KALRN: variants seen among roughly 807,000 people sequenced by gnomAD.
The protein encoded by KALRN is kalirin RhoGEF kinase.
Under a neutral mutation model 353.7 loss-of-function variants are expected in KALRN, and 70 were observed. The observed-to-expected ratio is 0.20, with a 90% CI of 0.16 to 0.24. The LOEUF (loss-of-function observed/expected upper bound fraction) is 0.24. KALRN is among the 10% of genes least tolerant of loss of function. KALRN has a pLI of 1.00. For synonymous variants in KALRN, 1,391 were observed against 1,434.8 expected, an observed-to-expected ratio of 0.97 and a Z score of 0.69; for missense variants, 2,791 against 3,756.7, an observed-to-expected ratio of 0.74 and a Z score of 6.72.
chr3:124,127,097 A>G (rs1246363822), intron 1 of KALRN, among the ~76,000 whole-genome samples: 1 of 152,162 alleles, frequency 6.6e-6, no homozygotes, highest in Non-Finnish European at 1.5e-5. Flanking sequence ...CAGCTCAGAG[A>G]TCACCCTTCA....
intron 1 of KALRN, among the ~76,000 whole-genome samples, chr3:124,108,485 A>G (rs1002343187): frequency 2.0e-5 from 3 of 152,248 alleles, no homozygotes; most frequent in African/African-American, 4.8e-5. Flanking sequence ...CTAGCTGCCT[A>G]CATGTTTGGG....
At chr3:124,692,087 A>T (rs779317960) in intron 51 of KALRN, among the ~76,000 whole-genome samples, 1 of 152,110 alleles carries the variant, frequency 6.6e-6, no homozygotes, top group Non-Finnish European at 1.5e-5. Flanking sequence ...TTAGAGAGTT[A>T]AAAAAAATCC....
chr3:124,703,095 C>G (rs1294086904), intron 57 of KALRN, among the ~76,000 whole-genome samples: 8 of 152,168 alleles, frequency 5.3e-5, no homozygotes, highest in Non-Finnish European at 1.5e-5. Flanking sequence ...GACATCATTT[C>G]TAGCTCTGAT....
chr3:124,139,841 T>C lies in KALRN; in HGVS notation c.74-88149T>C, dbSNP rs79466114. 4.5e-3 allele frequency among the ~76,000 whole-genome samples: 687 copies of C among 152,300 alleles called. 2 individuals carry two copies. Among genetic ancestry groups the C allele is most frequent in the South Asian group, 0.014 (68 of 4,828 alleles). ...AGCAACAAGGGGGGATTTTGTATCA[T>C]CTGAAAGGGCTTCCTGGTTTCAGAC... On this transcript the variant is annotated intron_variant, in intron 1 of 59. Transcript: ENST00000682506.
At chr3:124,323,309 C>T (rs1000209635) in intron 6 of KALRN, among the ~76,000 whole-genome samples, 2 of 152,148 alleles carry the variant, frequency 1.3e-5, no homozygotes, top group Non-Finnish European at 2.9e-5. Context: ...CACAGGGAGT[C>T]GCTTCTACCT....
In KALRN at chr3:124,334,580, G is replaced by C. The variant is rs2080930360; in HGVS notation, c.1647+85G>C. The stretch of plus-strand genomic sequence containing the variant: ...TCCCTGACCTAGGTGATCAGGCTTA[G>C]GAGAGCCCAGATTTATAGAAGGACA... On this transcript the variant is annotated intron_variant, in intron 9 of 59. Coordinates refer to ENST00000682506, the MANE Select transcript of KALRN (RefSeq NM_001388419.1). This position sits in a 1 kb window ranked among gnomAD's most constrained non-coding sequence, Gnocchi z 4.2. The C allele has an allele frequency of 1.2e-6, 1 of 852,722 alleles. No homozygotes were observed. The highest frequency in any genetic ancestry group is 1.7e-5 in the African/African-American group (1 of 59,044). 52.8% of individuals were successfully genotyped at this position (852,722 alleles called of 1,614,324 possible). A position where few individuals can be genotyped will look rare whatever the true frequency, so the allele number is the denominator to read the frequency against.
At chr3:124,605,584 A>G (rs67789707) in intron 34 of KALRN, among the ~76,000 whole-genome samples, 13,389 of 132,154 alleles carry the variant, frequency 0.1, 784 homozygotes, top group South Asian at 0.12. Flanking sequence ...AAAAAAAAAA[A>G]AAAGAGAGAG....
At chr3:124,240,948 T>A (rs1213624228) in intron 3 of KALRN, among the ~76,000 whole-genome samples, 4 of 152,112 alleles carry the variant, frequency 2.6e-5, no homozygotes, top group African/African-American at 9.7e-5. Flanking sequence ...ATAGTAATAA[T>A]GATAATAATA....
At position 124,314,068 on chromosome 3, in the gene KALRN, C is replaced by G. The variant is rs1308016347; in HGVS notation, c.1093-11912C>G. Among the ~76,000 whole-genome samples the G allele has an allele frequency of 2.0e-5, 3 of 152,052 alleles. No individual in the cohort carries two copies. The East Asian group carries it at 5.8e-4, about 29-fold the overall frequency. On this transcript the variant is annotated intron_variant, in intron 6 of 59. Transcript: ENST00000682506. ...ATGCACACGTATGTTTATTGCGGCA[C>G]TATTCACCATAGCAAAGACTTGGAA...
At position 124,155,721 on chromosome 3, in the gene KALRN, C is replaced by G. The variant is rs116481055; in HGVS notation, c.74-72269C>G. On this transcript the variant is annotated intron_variant, in intron 1 of 59. Coordinates refer to ENST00000682506, the MANE Select transcript of KALRN (RefSeq NM_001388419.1). Reference sequence around the variant, plus strand: ...GTTAAATTCAGTTTTTCACAAGATTCAACTGAAAATGATTATTACTTTGTC... The same window carrying G: ...GTTAAATTCAGTTTTTCACAAGATTGAACTGAAAATGATTATTACTTTGTC... 7.2e-3 allele frequency among the ~76,000 whole-genome samples: 1,091 copies of G among 152,278 alleles called. 11 individuals are homozygous for G. The highest frequency in any genetic ancestry group is 0.024 in the African/African-American group (998 of 41,542).
chr3:124,538,050 T>G (rs1465815101), intron 33 of KALRN, among the ~76,000 whole-genome samples: 1 of 152,270 alleles, frequency 6.6e-6, no homozygotes, highest in Non-Finnish European at 1.5e-5. Context: ...TGAATTTGTC[T>G]TCACATTTTT....
rs184397680 is a variant in KALRN, at chr3:124,062,407, C to T, written c.73+28594C>T. Among the ~76,000 whole-genome samples the T allele has an allele frequency of 7.0e-4, 107 of 152,320 alleles. 2 individuals are homozygous for T. Among genetic ancestry groups the T allele is most frequent in the Non-Finnish European group, 2.6e-4 (18 of 68,026 alleles). Reference sequence around the variant, plus strand: ...ATTTACACATTTTTAGCCCTGTCTCCTTTATCCTATATCTAACTGCCAAAA... The same window carrying T: ...ATTTACACATTTTTAGCCCTGTCTCTTTTATCCTATATCTAACTGCCAAAA... On this transcript the variant is annotated intron_variant, in intron 1 of 59. Coordinates refer to ENST00000682506, the MANE Select transcript of KALRN (RefSeq NM_001388419.1).
intron 5 of KALRN, among the ~76,000 whole-genome samples, chr3:124,276,454 C>A (rs1452218660): frequency 1.3e-5 from 2 of 152,146 alleles, no homozygotes; most frequent in Non-Finnish European, 2.9e-5. Context: ...TCTTATCCTG[C>A]CTGGGGTGAC....
chr3:124,473,809 G>A (rs1309103882), intron 25 of KALRN, among the ~76,000 whole-genome samples: 2 of 152,034 alleles, frequency 1.3e-5, no homozygotes, highest in Admixed American at 6.6e-5. Context: ...TGATTTAATC[G>A]GTACTGTCAA....
chr3:124,141,641 C>A (rs1346127113), intron 1 of KALRN, among the ~76,000 whole-genome samples: 1 of 152,188 alleles, frequency 6.6e-6, no homozygotes, highest in African/African-American at 2.4e-5. Context: ...TCCTTGGTTG[C>A]AAATTGTCTT....
chr3:124,379,496 A>G (rs1315504038), intron 10 of KALRN, among the ~76,000 whole-genome samples: 1 of 152,120 alleles, frequency 6.6e-6, no homozygotes, highest in African/African-American at 2.4e-5. Context: ...CTTTATTCTG[A>G]GACACAATAA....
At chr3:124,449,273 G>C (rs1005843772) in intron 21 of KALRN, among the ~76,000 whole-genome samples, 9 of 152,020 alleles carry the variant, frequency 5.9e-5, no homozygotes, top group Non-Finnish European at 1.3e-4. Flanking sequence ...GTGGTCCAAA[G>C]GAACAGACCA....
Position 124,626,037 on chromosome 3 carries a change from C to T in KALRN, c.5183-6383C>T, listed in dbSNP as rs552858099. Among the ~76,000 whole-genome samples, 9 of 151,976 alleles carry T rather than the reference C, an allele frequency of 5.9e-5. No homozygotes were observed. The South Asian group carries it at 1.0e-3, about 18-fold the overall frequency. ...CAGAGGTTGCAGTGAGCTGAGATCGCGCCATTGCACACCAGCTTAGGCAAC... is the reference window on the plus strand; with the variant it reads ...CAGAGGTTGCAGTGAGCTGAGATCGTGCCATTGCACACCAGCTTAGGCAAC... On this transcript the variant is annotated intron_variant, in intron 34 of 59. Transcript: ENST00000682506.
chr3:124,376,180 T>C (rs2086565572), intron 10 of KALRN, among the ~76,000 whole-genome samples: 1 of 152,190 alleles, frequency 6.6e-6, no homozygotes, highest in Non-Finnish European at 1.5e-5. Flanking sequence ...ACTACTTGTG[T>C]TGGGAGGTAT....
Sources: gnomAD v4.1 joint callset for allele counts (sites outside exome capture counted in the v4.1 genomes callset) on GRCh38, gnomAD v4.1.1 for gene constraint, Gnocchi (gnomAD v3.1) non-coding constraint, MANE v1.5 for transcripts, NCBI Gene and HGNC (gene_info 2026-07-23, HGNC 2026-07-21) for gene names.